Variants in KIAA1217 observed in about 807,000 individuals in gnomAD.
The protein encoded by KIAA1217 is KIAA1217.
Under a neutral mutation model 163.9 loss-of-function variants are expected in KIAA1217, and 88 were observed. The ratio of observed to expected loss-of-function variants is 0.54; its 90% CI spans 0.45 to 0.64. The LOEUF (loss-of-function observed/expected upper bound fraction) is 0.64. KIAA1217 is among the 30% of genes least tolerant of loss of function. The pLI is 0.00. For synonymous variants in KIAA1217, 903 were observed against 923.1 expected (o/e 0.98, Z 0.39); for missense variants, 2,372 against 2,475.0 (o/e 0.96, Z 0.88).
exon 1 of KIAA1217, chr10:23,694,901 G>A (rs1314813222): frequency 1.3e-5 from 2 of 152,628 alleles, no homozygotes; most frequent in Admixed American, 1.3e-4. Context: ...GTTTCCGGGG[G>A]AGGACGGAGA....
At chr10:23,852,653 A>C (rs1293507503) in intron 1 of KIAA1217, among the ~76,000 whole-genome samples, 1 of 152,094 alleles carries the variant, frequency 6.6e-6, no homozygotes, top group Non-Finnish European at 1.5e-5. Context: ...ATGAGCATGG[A>C]ATGTTCTTCC....
chr10:24,093,076 T>C (rs1303243641), intron 2 of KIAA1217, among the ~76,000 whole-genome samples: 2 of 151,586 alleles, frequency 1.3e-5, no homozygotes, highest in African/African-American at 4.9e-5. Context: ...TCACTGCAGC[T>C]TCGACTTCCC....
intron 2 of KIAA1217, among the ~76,000 whole-genome samples, chr10:24,160,120 C>T (rs1029072181): frequency 2.0e-5 from 3 of 152,166 alleles, no homozygotes; most frequent in African/African-American, 7.2e-5. Context: ...ACGATAAATG[C>T]ATAAGGCATG....
At chr10:24,146,805 C>T (rs1180269297) in intron 2 of KIAA1217, among the ~76,000 whole-genome samples, 1 of 152,154 alleles carries the variant, frequency 6.6e-6, no homozygotes, top group Non-Finnish European at 1.5e-5. Flanking sequence ...CCAAATATCC[C>T]TCTACCCCAT....
chr10:23,825,290 A>G (rs1197925446), intron 1 of KIAA1217, among the ~76,000 whole-genome samples: 1 of 152,156 alleles, frequency 6.6e-6, no homozygotes, highest in Non-Finnish European at 1.5e-5. Context: ...ATGAACGCTC[A>G]TTATCTCTTA....
At chr10:23,702,666 T>TAC (rs377621544) in intron 1 of KIAA1217, among the ~76,000 whole-genome samples, 22,362 of 134,186 alleles carry the variant, frequency 0.17, 2,037 homozygotes, top group African/African-American at 0.25. Flanking sequence ...AACAGGAGAA[T>TAC]ACACACACAC....
At chr10:24,336,158 C>T (rs564039740) in intron 2 of KIAA1217, among the ~76,000 whole-genome samples, 2 of 152,250 alleles carry the variant, frequency 1.3e-5, no homozygotes, top group South Asian at 4.1e-4. Context: ...AGGAGAATCT[C>T]GTGAACATGG....
intron 3 of KIAA1217, among the ~76,000 whole-genome samples, chr10:24,399,102 ATTG>A (rs934953869): frequency 2.0e-5 from 3 of 152,182 alleles, no homozygotes; most frequent in Non-Finnish European, 4.4e-5. Flanking sequence ...CTCAAACTGT[ATTG>A]TTCACAGGTC....
At chr10:24,284,831 G>A (rs540469965) in intron 2 of KIAA1217, among the ~76,000 whole-genome samples, 1 of 152,248 alleles carries the variant, frequency 6.6e-6, no homozygotes, top group East Asian at 1.9e-4. Context: ...TTTCCACAGG[G>A]ACTGAACTAA....
intron 1 of KIAA1217, among the ~76,000 whole-genome samples, chr10:23,929,247 C>G (rs1215414471): frequency 6.6e-6 from 1 of 152,114 alleles, no homozygotes; most frequent in East Asian, 1.9e-4. Flanking sequence ...CATGGCTAAC[C>G]ACCACAAAGT....
At chr10:24,273,241 A>G (rs2076937172) in intron 2 of KIAA1217, among the ~76,000 whole-genome samples, 1 of 152,234 alleles carries the variant, frequency 6.6e-6, no homozygotes, top group African/African-American at 2.4e-5. Flanking sequence ...TCAAGAGATC[A>G]GACTCTTATT....
chr10:23,735,172 C>G (rs1173919986), intron 1 of KIAA1217, among the ~76,000 whole-genome samples: 1 of 152,034 alleles, frequency 6.6e-6, no homozygotes, highest in East Asian at 1.9e-4. Flanking sequence ...AATAGAATTA[C>G]TAGGGTAATT....
At chr10:24,389,836 T>G (rs1032159550) in intron 3 of KIAA1217, among the ~76,000 whole-genome samples, 27 of 152,306 alleles carry the variant, frequency 1.8e-4, no homozygotes, top group African/African-American at 5.1e-4. Flanking sequence ...GTTTTGTTTT[T>G]TTTCAGCATT....
At chr10:24,329,291 AT>A (rs1484643247) in intron 2 of KIAA1217, among the ~76,000 whole-genome samples, 3 of 149,310 alleles carry the variant, frequency 2.0e-5, no homozygotes, top group African/African-American at 7.3e-5. Context: ...TTATAAATAT[AT>A]TTTTTAAACA....
chr10:24,255,633 C>A (rs1048492847), intron 2 of KIAA1217: 3 of 428,574 alleles, frequency 7.0e-6, no homozygotes, highest in South Asian at 1.7e-5. Flanking sequence ...TTCCCTGCCC[C>A]CCCTGGGGTC....
intron 1 of KIAA1217, among the ~76,000 whole-genome samples, chr10:23,741,573 G>A (rs1356375867): frequency 3.9e-5 from 6 of 152,118 alleles, no homozygotes. Flanking sequence ...GCATCTCAGA[G>A]ATGACATCAG....
intron 1 of KIAA1217, among the ~76,000 whole-genome samples, chr10:23,906,849 C>T (rs1438049092): frequency 6.6e-6 from 1 of 152,154 alleles, no homozygotes; most frequent in Non-Finnish European, 1.5e-5. Context: ...GATGATCATA[C>T]AGACCAGTGC....
At chr10:24,499,978 C>T (rs951198437) in intron 8 of KIAA1217, among the ~76,000 whole-genome samples, 3 of 152,144 alleles carry the variant, frequency 2.0e-5, no homozygotes, top group African/African-American at 7.2e-5. Context: ...CTCCCTGGCT[C>T]ATGAGCCACT....
At chr10:24,235,794 G>GGAGGATCTGCAGAAGGTCCGCGAAGGTCC (rs2072161671) in intron 2 of KIAA1217, among the ~76,000 whole-genome samples, 1 of 152,110 alleles carries the variant, frequency 6.6e-6, no homozygotes, top group Non-Finnish European at 1.5e-5. Flanking sequence ...TCCGTATCTC[G>GGAGGATCTGCAGAAGGTCCGCGAAGGTCC]GAGGATCTGC....
Sources: gnomAD v4.1 joint callset for allele counts (sites outside exome capture counted in the v4.1 genomes callset) on GRCh38, gnomAD v4.1.1 for gene constraint, MANE v1.5 for transcripts, NCBI Gene and HGNC (gene_info 2026-07-23, HGNC 2026-07-21) for gene names.